SLC22A24: variants seen among roughly 807,000 people sequenced by gnomAD.
The protein encoded by SLC22A24 is solute carrier family 22 member 24, also known as steroid transmembrane transporter SLC22A24.
SLC22A24 carries 53 observed loss-of-function variants against 49.8 expected under a neutral mutation model. That is an observed-to-expected ratio of 1.06 (90% CI 0.85 to 1.34). SLC22A24 has a LOEUF of 1.34. Among genes scored for constraint, SLC22A24 ranks in the 40% most tolerant of loss-of-function variants. The pLI, the probability that SLC22A24 is intolerant of heterozygous loss-of-function variation, is 0.00. For missense variants in SLC22A24, 786 were observed against 675.9 expected (o/e 1.16, Z -1.81); for synonymous variants, 302 against 256.4 (o/e 1.18, Z -1.70).
At chr11:63,113,978 C>T (rs1015741899) in intron 4 of SLC22A24, among the ~76,000 whole-genome samples, 1 of 152,020 alleles carries the variant, frequency 6.6e-6, no homozygotes, top group Admixed American at 6.6e-5. Context: ...CGACCTTTCT[C>T]TCTGGCTGCC....
intron 5 of SLC22A24, among the ~76,000 whole-genome samples, chr11:63,102,776 A>G (rs1249058360): frequency 6.6e-6 from 1 of 152,136 alleles, no homozygotes; most frequent in Non-Finnish European, 1.5e-5. Flanking sequence ...TTCATTTTCC[A>G]TGCCTTGAGA....
At chr11:63,102,355 G>A (rs1407970265) in intron 5 of SLC22A24, among the ~76,000 whole-genome samples, 1 of 151,958 alleles carries the variant, frequency 6.6e-6, no homozygotes, top group Non-Finnish European at 1.5e-5. Flanking sequence ...CAGAAACAAG[G>A]GGCCCTCTAA....
intron 7 of SLC22A24, among the ~76,000 whole-genome samples, chr11:63,082,937 G>A (rs771665282): frequency 6.6e-6 from 1 of 152,220 alleles, no homozygotes; most frequent in African/African-American, 2.4e-5. Flanking sequence ...TAGCCAAAAA[G>A]CATGTGCTTA....
At chr11:63,122,238 A>G (rs575117090) in intron 2 of SLC22A24, among the ~76,000 whole-genome samples, 12 of 152,280 alleles carry the variant, frequency 7.9e-5, no homozygotes, top group African/African-American at 2.9e-4. Flanking sequence ...CTAACTCCAG[A>G]CCTGACCATA....
intron 4 of SLC22A24, among the ~76,000 whole-genome samples, chr11:63,110,263 GT>G (rs2087153245): frequency 6.6e-6 from 1 of 152,118 alleles, no homozygotes. Context: ...TTGTAGTATA[GT>G]TTGAAGTCAG....
intron 2 of SLC22A24, among the ~76,000 whole-genome samples, chr11:63,120,994 C>A (rs2087247888): frequency 6.6e-6 from 1 of 151,966 alleles, no homozygotes; most frequent in Non-Finnish European, 1.5e-5. Context: ...TGGTTGCCCC[C>A]AGATAAGAGG....
chr11:63,134,092 G>A (rs902690597), intron 2 of SLC22A24, among the ~76,000 whole-genome samples: 1 of 152,164 alleles, frequency 6.6e-6, no homozygotes, highest in African/African-American at 2.4e-5. Flanking sequence ...ATCCAGGTTA[G>A]AGGTGCAATG....
At chr11:63,092,029 A>G (rs2134641244) in intron 6 of SLC22A24, among the ~76,000 whole-genome samples, 1 of 152,300 alleles carries the variant, frequency 6.6e-6, no homozygotes, top group East Asian at 1.9e-4. Flanking sequence ...AAAACTCCTT[A>G]AGCTGATAAG....
At chr11:63,132,532 G>A (rs568591309) in intron 2 of SLC22A24, among the ~76,000 whole-genome samples, 308 of 152,314 alleles carry the variant, frequency 2.0e-3, no homozygotes, top group African/African-American at 7.1e-3. Context: ...CATTCTAACA[G>A]TCAGGTCCTT....
intron 6 of SLC22A24, among the ~76,000 whole-genome samples, chr11:63,083,696 T>C (rs1033430154): frequency 6.6e-6 from 1 of 152,198 alleles, no homozygotes; most frequent in African/African-American, 2.4e-5. Flanking sequence ...CTCTTCATTG[T>C]CATAATTTTT....
chr11:63,131,845 G>A (rs2087338240), intron 2 of SLC22A24, among the ~76,000 whole-genome samples: 1 of 152,182 alleles, frequency 6.6e-6, no homozygotes, highest in Non-Finnish European at 1.5e-5. Flanking sequence ...GGTTAGGGAA[G>A]CTCTCCTGGA....
intron 6 of SLC22A24, among the ~76,000 whole-genome samples, chr11:63,087,192 C>A (rs2086992821): frequency 6.6e-6 from 1 of 152,072 alleles, no homozygotes; most frequent in Admixed American, 6.5e-5. Flanking sequence ...CCAGCAAGAC[C>A]CATGCAGATG....
At chr11:63,111,245 G>T (rs1245334307) in intron 4 of SLC22A24, among the ~76,000 whole-genome samples, 3 of 151,720 alleles carry the variant, frequency 2.0e-5, no homozygotes, top group Non-Finnish European at 2.9e-5. Flanking sequence ...GCTGGATTCG[G>T]TTTGCCAGTA....
At chr11:63,084,504 T>C (rs2135192008) in intron 6 of SLC22A24, among the ~76,000 whole-genome samples, 1 of 152,198 alleles carries the variant, frequency 6.6e-6, no homozygotes, top group East Asian at 1.9e-4. Flanking sequence ...AGAGAAAATG[T>C]ATGCAGGAGC....
chr11:63,140,075 G>GGTTTTTTTTTTTGTT (rs748998422), intron 1 of SLC22A24, among the ~76,000 whole-genome samples: 2 of 85,752 alleles, frequency 2.3e-5, no homozygotes, highest in Non-Finnish European at 2.5e-5. Flanking sequence ...TTGTTTTTTT[G>GGTTTTTTTTTTTGTT]TTTTTTTTTT....
At chr11:63,107,485 T>C (rs1428605298) in intron 4 of SLC22A24, among the ~76,000 whole-genome samples, 4 of 152,202 alleles carry the variant, frequency 2.6e-5, no homozygotes, top group Non-Finnish European at 5.9e-5. Context: ...ATTGGTAGCT[T>C]GATGGGGATG....
At chr11:63,109,387 G>T (rs893817329) in intron 4 of SLC22A24, among the ~76,000 whole-genome samples, 2 of 146,354 alleles carry the variant, frequency 1.4e-5, no homozygotes, top group African/African-American at 2.5e-5. Context: ...GGGTCAAATG[G>T]TATTTCTAGT....
intron 9 of SLC22A24, among the ~76,000 whole-genome samples, chr11:63,080,290 T>A (rs1383637085): frequency 2.0e-5 from 3 of 152,188 alleles, no homozygotes; most frequent in African/African-American, 7.2e-5. Context: ...TTAAAGCTAT[T>A]GTCTTATTTT....
At chr11:63,122,500 T>C (rs1023970804) in intron 2 of SLC22A24, among the ~76,000 whole-genome samples, 2 of 152,178 alleles carry the variant, frequency 1.3e-5, no homozygotes, top group Non-Finnish European at 2.9e-5. Flanking sequence ...AGAGAAGGTT[T>C]ATGTGCATTT....
Sources: allele counts gnomAD v4.1 joint callset (sites outside exome capture counted in the v4.1 genomes callset), GRCh38; gene constraint gnomAD v4.1.1; transcripts MANE v1.5; gene names NCBI Gene and HGNC (gene_info 2026-07-23, HGNC 2026-07-21).